The following NRG1 variants were observed in gnomAD, a reference collection of about 807,000 sequenced individuals.
The protein encoded by NRG1 is neuregulin 1, also known as pro-neuregulin-1, membrane-bound isoform.
NRG1 carries 18 observed loss-of-function variants against 63.8 expected under a neutral mutation model. That is an observed-to-expected ratio of 0.28 (90% CI 0.19 to 0.42). The LOEUF (loss-of-function observed/expected upper bound fraction) is 0.42. NRG1 is among the 10% of genes least tolerant of loss of function. NRG1 has a pLI of 1.00. For synonymous variants in NRG1, 302 were observed against 301.3 expected (o/e 1.00, Z -0.02); for missense variants, 762 against 814.7 (o/e 0.94, Z 0.79).
At chr8:32,635,785 A>G (rs928887791) in intron 5 of NRG1, among the ~76,000 whole-genome samples, 1 of 152,172 alleles carries the variant, frequency 6.6e-6, no homozygotes, top group Admixed American at 6.5e-5. Flanking sequence ...TTATCTCACT[A>G]GATTCTTTGG....
At chr8:32,547,534 A>G (rs1044237428), upstream of NRG1, among the ~76,000 whole-genome samples, 2 of 151,950 alleles carry the variant, frequency 1.3e-5, no homozygotes, top group Non-Finnish European at 1.5e-5. Context: ...ACCCCCTTAG[A>G]AGAGGCCAGG....
At chr8:32,403,334 AT>A (rs1813495762) in intron 1 of NRG1, among the ~76,000 whole-genome samples, 1 of 151,528 alleles carries the variant, frequency 6.6e-6, no homozygotes, top group Non-Finnish European at 1.5e-5. Context: ...GAAAAAAGAA[AT>A]GAGCAAGCAC....
At chr8:31,807,623 T>C (rs1469270265) in intron 1 of NRG1, among the ~76,000 whole-genome samples, 3 of 152,162 alleles carry the variant, frequency 2.0e-5, no homozygotes, top group African/African-American at 7.2e-5. Flanking sequence ...CTTCAATAAA[T>C]TTTTAAGTCT....
chr8:32,075,784 C>T (rs943584589), intron 1 of NRG1, among the ~76,000 whole-genome samples: 8 of 152,020 alleles, frequency 5.3e-5, no homozygotes, highest in Non-Finnish European at 1.2e-4. Flanking sequence ...GCAATTCTAC[C>T]TGCCTCAGCC....
chr8:32,271,959 A>G (rs1310625044), intron 1 of NRG1, among the ~76,000 whole-genome samples: 1 of 152,222 alleles, frequency 6.6e-6, no homozygotes, highest in Non-Finnish European at 1.5e-5. Flanking sequence ...AAGGGCTGAT[A>G]GAATAGGCTG....
intron 1 of NRG1, among the ~76,000 whole-genome samples, chr8:32,412,450 A>G (rs369086216): frequency 5.1e-5 from 5 of 98,900 alleles, no homozygotes; most frequent in African/African-American, 1.6e-4. Context: ...ATATATATAT[A>G]TACATATATA....
At chr8:31,688,850 A>C (rs532905125) in intron 1 of NRG1, among the ~76,000 whole-genome samples, 5 of 152,286 alleles carry the variant, frequency 3.3e-5, no homozygotes, top group African/African-American at 1.2e-4. Context: ...AAGCAACACA[A>C]ATTGTTTATC....
chr8:32,531,941 A>T (rs60550537), intron 1 of NRG1, among the ~76,000 whole-genome samples: 57,964 of 152,052 alleles, frequency 0.38, 11,654 homozygotes, highest in Admixed American at 0.48. Context: ...ATGGACCAAC[A>T]TAAGCATGTT....
intron 1 of NRG1, among the ~76,000 whole-genome samples, chr8:32,121,265 T>C (rs1386909487): frequency 6.6e-6 from 1 of 152,086 alleles, no homozygotes; most frequent in African/African-American, 2.4e-5. Context: ...ATAAAGTTAA[T>C]GCATTTTTAA....
intron 1 of NRG1, among the ~76,000 whole-genome samples, chr8:32,261,130 T>C (rs1850322642): frequency 6.6e-6 from 1 of 152,238 alleles, no homozygotes; most frequent in Admixed American, 6.5e-5. Context: ...ACCTGTCTTC[T>C]AGCTTATGCT....
At position 32,179,892 on chromosome 8, in the gene NRG1, T is replaced by A. The variant is rs182975695; in HGVS notation, c.38-415936T>A. On this transcript the variant is annotated intron_variant, in intron 1 of 10. Transcript: ENST00000519301. The stretch of plus-strand genomic sequence containing the variant: ...CTTTGTAATTTACAATTTTTAAATC[T>A]TTTTTTTTCAAGGACTAAACACGAA... 2.6e-5 allele frequency among the ~76,000 whole-genome samples: 4 copies of A among 151,474 alleles called. No homozygotes were observed. In the East Asian group the frequency reaches 5.8e-4, roughly 22 times the overall value.
At chr8:32,488,661 A>G (rs1826185143) in intron 1 of NRG1, among the ~76,000 whole-genome samples, 1 of 152,154 alleles carries the variant, frequency 6.6e-6, no homozygotes, top group Non-Finnish European at 1.5e-5. Context: ...CATGGTGGCA[A>G]CTGCTTGTAG....
At chr8:31,761,719 T>C (rs1214153999) in intron 1 of NRG1, among the ~76,000 whole-genome samples, 1 of 152,078 alleles carries the variant, frequency 6.6e-6, no homozygotes, top group Admixed American at 6.6e-5. Flanking sequence ...GGTAGTAACA[T>C]GAAAGATCAT....
At chr8:32,112,064 G>GTTA (rs1295597291) in intron 1 of NRG1, among the ~76,000 whole-genome samples, 2 of 152,138 alleles carry the variant, frequency 1.3e-5, no homozygotes, top group Non-Finnish European at 2.9e-5. Flanking sequence ...ATAATTTATT[G>GTTA]TTATATTGAA....
At chr8:31,844,286 C>T (rs1414206906) in intron 1 of NRG1, among the ~76,000 whole-genome samples, 1 of 152,198 alleles carries the variant, frequency 6.6e-6, no homozygotes, top group South Asian at 2.1e-4. Flanking sequence ...AGGGTTCAGT[C>T]AGCAGCCTTG....
At chr8:31,749,665 T>C (rs983067637) in intron 1 of NRG1, among the ~76,000 whole-genome samples, 5 of 151,426 alleles carry the variant, frequency 3.3e-5, no homozygotes, top group African/African-American at 1.2e-4. Flanking sequence ...CCTCTCTGTG[T>C]TGGAAGCAAA....
chr8:32,635,566 T>G (rs1306671202), intron 5 of NRG1, among the ~76,000 whole-genome samples: 1 of 152,172 alleles, frequency 6.6e-6, no homozygotes, highest in African/African-American at 2.4e-5. Flanking sequence ...GTAAGTTAGT[T>G]ATTTTTATAC....
intron 5 of NRG1, among the ~76,000 whole-genome samples, chr8:32,650,465 G>C (rs537877956): frequency 4.7e-4 from 72 of 151,952 alleles, no homozygotes; most frequent in African/African-American, 1.6e-3. Context: ...TTTTAGACTA[G>C]TTCCTTAAAA....
At chr8:32,704,964 A>G (rs779485708) in intron 5 of NRG1, among the ~76,000 whole-genome samples, 2 of 152,266 alleles carry the variant, frequency 1.3e-5, no homozygotes, top group East Asian at 3.9e-4. Flanking sequence ...ATGGCATCTG[A>G]AAATATTAGT....
Sources: gnomAD v4.1 joint callset for allele counts (sites outside exome capture counted in the v4.1 genomes callset) on GRCh38, gnomAD v4.1.1 for gene constraint, MANE v1.5 for transcripts, NCBI Gene and HGNC (gene_info 2026-07-23, HGNC 2026-07-21) for gene names.